SOX5: variants seen among roughly 807,000 people sequenced by gnomAD.
SOX5 encodes the protein SRY-box transcription factor 5.
A neutral mutation model predicts 92.0 loss-of-function variants in SOX5; 9 were observed. That is an observed-to-expected ratio of 0.10 (90% CI 0.06 to 0.17). The LOEUF is 0.17. Ranked by LOEUF, SOX5 falls within the 10% of genes least tolerant of loss-of-function variation. SOX5 has a pLI of 1.00. For missense variants in SOX5, 642 were observed against 944.5 expected (o/e 0.68, Z 4.20); for synonymous variants, 344 against 336.3 (o/e 1.02, Z -0.25).
At chr12:24,221,304 T>C (rs990302072) in intron 3 of SOX5, among the ~76,000 whole-genome samples, 8 of 152,244 alleles carry the variant, frequency 5.3e-5, no homozygotes, top group African/African-American at 1.7e-4. Context: ...CTTTCCTTTC[T>C]TTCCTATATA....
chr12:23,614,832 C>T (rs928613399), intron 8 of SOX5, among the ~76,000 whole-genome samples: 10 of 152,164 alleles, frequency 6.6e-5, no homozygotes, highest in African/African-American at 2.4e-4. Flanking sequence ...AACAGAGTCT[C>T]ACTCTGATGC....
intron 4 of SOX5, among the ~76,000 whole-genome samples, chr12:24,005,858 A>G (rs756754984): frequency 1.3e-5 from 2 of 152,168 alleles, no homozygotes; most frequent in Non-Finnish European, 2.9e-5. Flanking sequence ...CATTTGTTCC[A>G]CTAGCTATAC....
intron 1 of SOX5, among the ~76,000 whole-genome samples, chr12:23,911,267 C>G (rs1279920096): frequency 1.3e-5 from 2 of 152,010 alleles, no homozygotes; most frequent in East Asian, 1.9e-4. Flanking sequence ...ACTTACAAAA[C>G]CCCAAAAAAA....
intron 4 of SOX5, among the ~76,000 whole-genome samples, chr12:24,104,748 A>C (rs1946486193): frequency 6.6e-6 from 1 of 152,212 alleles, no homozygotes; most frequent in South Asian, 2.1e-4. Context: ...GCATTTTTGC[A>C]GATAAGCTCA....
intron 8 of SOX5, among the ~76,000 whole-genome samples, chr12:23,617,005 G>A (rs552706582): frequency 1.6e-4 from 25 of 151,840 alleles, no homozygotes; most frequent in Non-Finnish European, 3.1e-4. Flanking sequence ...GGCATGTGCA[G>A]TCCTAGTTAC....
At chr12:23,806,867 A>G (rs1567926230) in intron 3 of SOX5, among the ~76,000 whole-genome samples, 1 of 152,200 alleles carries the variant, frequency 6.6e-6, no homozygotes, top group Non-Finnish European at 1.5e-5. Flanking sequence ...TCTTTGGGCG[A>G]TAAAATGACT....
At chr12:23,586,494 C>A (rs979585305) in intron 9 of SOX5, among the ~76,000 whole-genome samples, 5 of 152,020 alleles carry the variant, frequency 3.3e-5, no homozygotes, top group Non-Finnish European at 5.9e-5. Flanking sequence ...AAAAAAAATT[C>A]TTGCATTTCA....
chr12:23,602,257 CT>C (rs2074601780), intron 9 of SOX5, among the ~76,000 whole-genome samples: 1 of 152,136 alleles, frequency 6.6e-6, no homozygotes, highest in African/African-American at 2.4e-5. Context: ...TACTCATTCT[CT>C]TTTGCACAAA....
intron 1 of SOX5, among the ~76,000 whole-genome samples, chr12:24,539,138 T>G (rs1951897342): frequency 3.9e-5 from 6 of 152,198 alleles, no homozygotes; most frequent in Admixed American, 3.9e-4. Context: ...AATTAGCCAA[T>G]TTCATTAATA....
chr12:23,951,437 G>T (rs1365896835), upstream of SOX5, among the ~76,000 whole-genome samples: 1 of 151,196 alleles, frequency 6.6e-6, no homozygotes, highest in East Asian at 1.9e-4. Context: ...AGTTTGATTA[G>T]GTCCCACTTT....
intron 9 of SOX5, among the ~76,000 whole-genome samples, chr12:23,599,438 T>C (rs1953063713): frequency 1.3e-5 from 2 of 152,240 alleles, no homozygotes; most frequent in Admixed American, 6.5e-5. Context: ...ATCTGTGTGC[T>C]CTTGCCATTG....
intron 6 of SOX5, among the ~76,000 whole-genome samples, chr12:23,674,032 G>T (rs900803650): frequency 6.6e-6 from 1 of 151,944 alleles, no homozygotes; most frequent in Admixed American, 6.6e-5. Context: ...GGCATGTTTT[G>T]GAATAATGTT....
chr12:23,808,637 T>C (rs900038480), intron 3 of SOX5, among the ~76,000 whole-genome samples: 3 of 152,198 alleles, frequency 2.0e-5, no homozygotes, highest in African/African-American at 7.2e-5. Context: ...ACTATCATTC[T>C]ACTTTTAAAA....
chr12:24,029,242 C>T (rs953506175), intron 4 of SOX5, among the ~76,000 whole-genome samples: 1 of 151,844 alleles, frequency 6.6e-6, no homozygotes, highest in African/African-American at 2.4e-5. Flanking sequence ...AGAATATTTA[C>T]CAAGAGCCAA....
intron 1 of SOX5, among the ~76,000 whole-genome samples, chr12:24,397,229 G>A (rs1490010247): frequency 6.7e-6 from 1 of 150,318 alleles, no homozygotes; most frequent in Non-Finnish European, 1.5e-5. Flanking sequence ...TTTTTGACAA[G>A]TCAAACCAGA....
rs531392091 is a variant in SOX5 at position 24,558,301 on chromosome 12, G to A, written c.-251+4028C>T. Among the ~76,000 whole-genome samples the A allele has an allele frequency of 3.9e-5, 6 of 152,230 alleles. No individual in the cohort carries two copies. In the East Asian group the frequency reaches 5.8e-4, roughly 15 times the overall value. ...GCCCATCCTGAAGGTCAGGGTCCTC[G>A]CTGGTAAAGCCTTCAAAAGTCCCGT... On this transcript the variant is annotated intron_variant, in intron 1 of 4. Transcript: ENST00000446891.
chr12:23,539,239 G>A (rs1297124051), intron 13 of SOX5, among the ~76,000 whole-genome samples: 1 of 152,124 alleles, frequency 6.6e-6, no homozygotes, highest in Non-Finnish European at 1.5e-5. Flanking sequence ...GAATGCGAGA[G>A]CTGTTTGTTT....
At chr12:24,133,205 G>A (rs1198522859) in intron 4 of SOX5, among the ~76,000 whole-genome samples, 1 of 152,166 alleles carries the variant, frequency 6.6e-6, no homozygotes, top group African/African-American at 2.4e-5. Flanking sequence ...TTGCTACTGC[G>A]AGCAAGTAGA....
chr12:24,521,148 G>A (rs554006016), intron 1 of SOX5, among the ~76,000 whole-genome samples: 35 of 152,204 alleles, frequency 2.3e-4, no homozygotes, highest in East Asian at 3.9e-4. Flanking sequence ...TCCGCCTCCC[G>A]GGTACAAGCA....
Sources: allele counts gnomAD v4.1 joint callset (sites outside exome capture counted in the v4.1 genomes callset), GRCh38; gene constraint gnomAD v4.1.1; transcripts MANE v1.5; gene names NCBI Gene and HGNC (gene_info 2026-07-23, HGNC 2026-07-21).